Variants in DLG2 observed in about 807,000 individuals in gnomAD.
The protein encoded by DLG2 is disks large homolog 2.
DLG2 carries 45 observed loss-of-function variants against 132.5 expected under a neutral mutation model. The ratio of observed to expected loss-of-function variants is 0.34; its 90% CI spans 0.27 to 0.44. The LOEUF is 0.44. DLG2 is among the 20% of genes least tolerant of loss of function. DLG2 has a pLI of 1.00. For synonymous variants in DLG2, 424 were observed against 419.6 expected (o/e 1.01, Z -0.13); for missense variants, 1,045 against 1,196.9 (o/e 0.87, Z 1.87).
chr11:84,887,817 G>C (rs974051033), intron 6 of DLG2, among the ~76,000 whole-genome samples: 8 of 148,686 alleles, frequency 5.4e-5, no homozygotes, highest in African/African-American at 2.1e-4. Flanking sequence ...CACAAGAAGA[G>C]ACTATCGATT....
intron 6 of DLG2, among the ~76,000 whole-genome samples, chr11:84,544,310 G>A (rs956801090): frequency 2.6e-5 from 4 of 152,156 alleles, no homozygotes; most frequent in Admixed American, 2.0e-4. Context: ...GGAAAATAAC[G>A]AGTATGGAAT....
At chr11:83,995,088 T>C (rs1329732581) in intron 11 of DLG2, among the ~76,000 whole-genome samples, 1 of 151,626 alleles carries the variant, frequency 6.6e-6, no homozygotes, top group East Asian at 1.9e-4. Flanking sequence ...AATAAGGTCA[T>C]ATACATAGGA....
chr11:84,990,083 A>G (rs1592293427), intron 6 of DLG2, among the ~76,000 whole-genome samples: 1 of 152,348 alleles, frequency 6.6e-6, no homozygotes, highest in East Asian at 1.9e-4. Context: ...ACAGGACAAG[A>G]GTACGAATTA....
intron 4 of DLG2, among the ~76,000 whole-genome samples, chr11:85,223,709 T>C (rs1027605250): frequency 2.0e-5 from 3 of 152,118 alleles, no homozygotes; most frequent in African/African-American, 7.2e-5. Flanking sequence ...CAAGCCTTAC[T>C]AAAACATCTG....
At chr11:85,031,042 T>C (rs938094628) in intron 6 of DLG2, among the ~76,000 whole-genome samples, 90 of 152,102 alleles carry the variant, frequency 5.9e-4, no homozygotes, top group African/African-American at 2.1e-3. Flanking sequence ...AAATGTTCTA[T>C]TTTATATTGA....
At position 85,320,590 on chromosome 11, in the gene DLG2, AGT is replaced by A. The variant is rs138361923; in HGVS notation, c.41-35227_41-35226del. ...ATATGATATATGTCAGGTAGTGACAAGTGCTCTGGAGAAAAATTCAAGAGGTG... is the reference window on the plus strand; with the variant it reads ...ATATGATATATGTCAGGTAGTGACAAGCTCTGGAGAAAAATTCAAGAGGTG... On this transcript the variant is annotated intron_variant, in intron 3 of 27. Transcript: ENST00000376104. 2.2e-3 allele frequency among the ~76,000 whole-genome samples: 331 copies of A among 152,104 alleles called. 1 individual carries two copies. Among genetic ancestry groups the A allele is most frequent in the African/African-American group, 7.7e-3 (321 of 41,564 alleles).
chr11:85,314,394 C>A (rs1311702631), intron 3 of DLG2, among the ~76,000 whole-genome samples: 1 of 151,470 alleles, frequency 6.6e-6, no homozygotes, highest in Non-Finnish European at 1.5e-5. Context: ...GGAAAAGATT[C>A]AAAAATAGAG....
At chr11:84,495,776 G>T (rs750236745) in intron 7 of DLG2, among the ~76,000 whole-genome samples, 1 of 152,134 alleles carries the variant, frequency 6.6e-6, no homozygotes, top group African/African-American at 2.4e-5. Context: ...TCCAAGCTCT[G>T]TGAAGTCATG....
intron 7 of DLG2, among the ~76,000 whole-genome samples, chr11:84,430,325 G>C (rs568125629): frequency 6.6e-6 from 1 of 151,888 alleles, no homozygotes; most frequent in East Asian, 1.9e-4. Context: ...TGTAATCCCA[G>C]CTACTCAGGA....
intron 11 of DLG2, among the ~76,000 whole-genome samples, chr11:84,055,757 A>T (rs1279728058): frequency 1.3e-5 from 2 of 152,114 alleles, no homozygotes; most frequent in Non-Finnish European, 2.9e-5. Context: ...ACAATCTGTT[A>T]CATTTATTCC....
chr11:85,049,965 C>A (rs2062737100), intron 6 of DLG2, among the ~76,000 whole-genome samples: 1 of 152,116 alleles, frequency 6.6e-6, no homozygotes, highest in East Asian at 1.9e-4. Flanking sequence ...TGAACCTATA[C>A]ATCTATGATG....
rs886723563 is a variant in DLG2, at chr11:84,372,047, T to A, written c.520-120756A>T. ...ACTTTCAAGGATTTTAAGCGGTAAT[T>A]TGTGTAAAGTATATTTACATTTAAA... is the stretch of plus-strand genomic sequence containing the variant. On this transcript the variant is annotated intron_variant, in intron 7 of 27. Transcript: ENST00000376104. Among the ~76,000 whole-genome samples the A allele has an allele frequency of 3.3e-5, 5 of 152,336 alleles. No homozygotes were observed. The South Asian group carries it at 6.2e-4, about 19-fold the overall frequency.
intron 10 of DLG2, among the ~76,000 whole-genome samples, chr11:84,097,840 T>A (rs2097186972): frequency 1.3e-5 from 2 of 152,114 alleles, no homozygotes; most frequent in African/African-American, 4.8e-5. Flanking sequence ...TCTCTCCTAA[T>A]TTTTCCAACC....
intron 7 of DLG2, among the ~76,000 whole-genome samples, chr11:84,357,458 C>A (rs991304723): frequency 6.6e-6 from 1 of 151,990 alleles, no homozygotes; most frequent in Non-Finnish European, 1.5e-5. Flanking sequence ...GCATTTTCCT[C>A]TCCTTCATAG....
intron 5 of DLG2, among the ~76,000 whole-genome samples, chr11:85,135,352 G>C (rs900530815): frequency 3.3e-5 from 5 of 152,190 alleles, no homozygotes; most frequent in African/African-American, 1.2e-4. Context: ...GTTAGTCATA[G>C]AGACAGTCAG....
intron 6 of DLG2, among the ~76,000 whole-genome samples, chr11:84,605,705 G>A (rs7114068): frequency 0.27 from 40,810 of 151,624 alleles, 6,148 homozygotes; most frequent in African/African-American, 0.4. Context: ...CTGTCTATTA[G>A]AAAGGTGTTT....
chr11:84,202,641 T>C (rs561906223), intron 8 of DLG2, among the ~76,000 whole-genome samples: 1 of 152,270 alleles, frequency 6.6e-6, no homozygotes, highest in South Asian at 2.1e-4. Context: ...ACTAAAGACC[T>C]TCTGCACAGC....
intron 6 of DLG2, among the ~76,000 whole-genome samples, chr11:84,862,515 G>A (rs2083874805): frequency 6.6e-6 from 1 of 152,096 alleles, no homozygotes; most frequent in Non-Finnish European, 1.5e-5. Flanking sequence ...AAAGACACAT[G>A]CACACGTATG....
At chr11:84,238,022 C>T (rs1247797690) in intron 8 of DLG2, among the ~76,000 whole-genome samples, 14 of 120,700 alleles carry the variant, frequency 1.2e-4, no homozygotes, top group South Asian at 5.5e-4. Context: ...CCAGCCCGGG[C>T]GACAGGGCAA....
Sources: allele counts gnomAD v4.1 joint callset (sites outside exome capture counted in the v4.1 genomes callset), GRCh38; gene constraint gnomAD v4.1.1; transcripts MANE v1.5; gene names NCBI Gene and HGNC (gene_info 2026-07-23, HGNC 2026-07-21).